Variants in NACC2 observed in about 807,000 individuals in gnomAD.
NACC2 encodes the protein NACC family member 2.
NACC2 carries 8 observed loss-of-function variants against 25.1 expected under a neutral mutation model. The ratio of observed to expected loss-of-function variants is 0.32; its 90% CI spans 0.19 to 0.57. The LOEUF is 0.57. NACC2 is among the 20% of genes least tolerant of loss of function. The pLI, the probability that NACC2 is intolerant of heterozygous loss-of-function variation, is 0.89. For missense variants in NACC2, 644 were observed against 650.2 expected, an observed-to-expected ratio of 0.99 and a Z score of 0.10; for synonymous variants, 435 against 294.7, an observed-to-expected ratio of 1.48 and a Z score of -4.88.
chr9:136,028,160 C>G (rs1840421646), intron 2 of NACC2, among the ~76,000 whole-genome samples: 1 of 150,006 alleles, frequency 6.7e-6, no homozygotes, highest in Admixed American at 6.7e-5. Flanking sequence ...ACTTGAGAGG[C>G]TGAGTGGCAG....
intron 1 of NACC2, among the ~76,000 whole-genome samples, chr9:136,065,335 T>C (rs1201592793): frequency 6.6e-6 from 1 of 151,870 alleles, no homozygotes; most frequent in Non-Finnish European, 1.5e-5. Context: ...AAATAAATAA[T>C]TAGGCTGGGC....
Position 136,011,420 on chromosome 9 carries a change from G to T in NACC2, c.*96C>A. On this transcript the variant is annotated 3_prime_UTR_variant, in exon 6 of 6. Coordinates refer to ENST00000277554, the MANE Select transcript of NACC2 (RefSeq NM_144653.5). ...ACATTTTTCTCAGGCAACAGTAGCAGTTCAGTAGGTAAGTGGCTTGATCAC... is the reference window on the plus strand; with the variant it reads ...ACATTTTTCTCAGGCAACAGTAGCATTTCAGTAGGTAAGTGGCTTGATCAC... 8.2e-7 allele frequency: 1 copy of T among 1,222,090 alleles called. No individual in the cohort carries two copies. The highest frequency in any genetic ancestry group is 1.0e-6 in the Non-Finnish European group (1 of 957,678). 75.7% of individuals were successfully genotyped at this position (1,222,090 alleles called of 1,614,324 possible).
rs778859454 is a variant in NACC2, at chr9:136,014,002, C to T, written c.1052-33G>A. ...CACCAAACAGAAAAAGGGCTCGTGG[C>T]CTTCCCGGGCCATAGGGTCCGAAGA... is the stretch of plus-strand genomic sequence containing the variant. On this transcript the variant is annotated intron_variant, in intron 3 of 5. Transcript: ENST00000277554. 16 of 1,567,468 alleles carry T rather than the reference C, an allele frequency of 1.0e-5. No individual in the cohort carries two copies. The South Asian group carries it at 1.7e-4, about 17-fold the overall frequency.
chr9:136,011,856 G>A lies in NACC2; in HGVS notation c.1424C>T (p.Ala475Val). 2 of 1,560,996 alleles carry A rather than the reference G, an allele frequency of 1.3e-6. No homozygotes were observed. Among genetic ancestry groups the A allele is most frequent in the South Asian group, 2.3e-5 (2 of 86,076 alleles). Residue 475 changes from alanine to valine, a missense_variant, in exon 6 of 6, where the codon GCC becomes GTC. By Grantham distance (64) the Ala-to-Val change is moderately conservative (BLOSUM62 0). Coordinates refer to ENST00000277554, the MANE Select transcript of NACC2 (RefSeq NM_144653.5). Reference sequence around the variant, plus strand: ...GAACTCGGGGTCGAGGGGCACGCTGGCGGCGGCGGAGCCCATGACCGTGCG... The same window carrying A: ...GAACTCGGGGTCGAGGGGCACGCTGACGGCGGCGGAGCCCATGACCGTGCG... ...MYRTVMGSAA[A>V]SVPLDPEFPP...
intron 1 of NACC2, among the ~76,000 whole-genome samples, chr9:136,072,809 C>T (rs1830212307): frequency 6.6e-6 from 1 of 152,074 alleles, no homozygotes; most frequent in Admixed American, 6.6e-5. Flanking sequence ...TAGATCATGC[C>T]ATTGCACTCC....
intron 1 of NACC2, among the ~76,000 whole-genome samples, chr9:136,081,659 C>T (rs1421110186): frequency 6.6e-6 from 1 of 152,222 alleles, no homozygotes; most frequent in Non-Finnish European, 1.5e-5. Flanking sequence ...TCTGGGAAAA[C>T]CCAAGGGCCC....
In NACC2 at chr9:136,015,960, G is replaced by T. The variant is rs143132047; in HGVS notation, c.1051+305C>A. ...CAAAGGCTGCAACTGGACCCTCGCG[G>T]GGCGGGGGGACTGGCAACTATACGT... On this transcript the variant is annotated intron_variant, in intron 3 of 5. Transcript: ENST00000277554. Among the ~76,000 whole-genome samples, 32 of 152,324 alleles carry T rather than the reference G, an allele frequency of 2.1e-4. No homozygotes were observed. The East Asian group carries it at 6.2e-3, about 29-fold the overall frequency.
intron 1 of NACC2, among the ~76,000 whole-genome samples, chr9:136,056,654 C>CG (rs1042608272): frequency 6.6e-6 from 1 of 152,224 alleles, no homozygotes; most frequent in African/African-American, 2.4e-5. Context: ...CACAGAGGTA[C>CG]GGGGGGTCTC....
chr9:136,012,092 C>T, intron 5 of NACC2, 68 bp from the exon 6 acceptor site: 1 of 1,453,458 alleles, frequency 6.9e-7, no homozygotes, highest in Non-Finnish European at 9.1e-7. Context: ...CCCAAGGCCA[C>T]AGAACCATGA....
At chr9:136,017,971 G>A (rs145477778) in intron 2 of NACC2, among the ~76,000 whole-genome samples, 1,772 of 152,304 alleles carry the variant, frequency 0.012, 39 homozygotes, top group African/African-American at 0.036. Context: ...CCGAGGGCAC[G>A]GCATGGTCCC....
intron 1 of NACC2, among the ~76,000 whole-genome samples, chr9:136,067,003 C>T (rs1486228832): frequency 6.6e-6 from 1 of 151,498 alleles, no homozygotes; most frequent in African/African-American, 2.4e-5. Context: ...GGAATCCCAG[C>T]ACTTTGGGAG....
chr9:136,091,171 GCCTTACATGGGATT>G (rs1830430827), intron 1 of NACC2, among the ~76,000 whole-genome samples: 1 of 152,152 alleles, frequency 6.6e-6, no homozygotes, highest in Non-Finnish European at 1.5e-5. Context: ...AGGGTAGTGA[GCCTTACATGGGATT>G]CAGTGGCTTC....
chr9:136,037,601 A>G (rs1295034897), intron 2 of NACC2, among the ~76,000 whole-genome samples: 1 of 149,668 alleles, frequency 6.7e-6, no homozygotes, highest in African/African-American at 2.5e-5. Context: ...TCTGCCTCCT[A>G]GGTTCAAGCG....
chr9:136,087,295 A>G (rs1428902369), intron 1 of NACC2, among the ~76,000 whole-genome samples: 2 of 152,122 alleles, frequency 1.3e-5, no homozygotes, highest in Admixed American at 6.5e-5. Flanking sequence ...CTGCCACCAA[A>G]CCTGTGGGCT....
chr9:136,080,900 G>T (rs1830316201), intron 1 of NACC2, among the ~76,000 whole-genome samples: 1 of 152,164 alleles, frequency 6.6e-6, no homozygotes, highest in African/African-American at 2.4e-5. Context: ...GCGTGCTAGG[G>T]TGCCAAGCCC....
rs568413268 is a variant in NACC2, at chr9:136,086,558, G to A, written c.-60+8631C>T. ...CAGCACCCAGCCACGGTCCCACCCC[G>A]GGCTCCACTGTGACCCACACGCTGT... On this transcript the variant is annotated intron_variant, in intron 1 of 5. Coordinates refer to ENST00000277554, the MANE Select transcript of NACC2 (RefSeq NM_144653.5). The surrounding 1 kb of genome is among the most constrained non-coding windows in gnomAD (Gnocchi z 5.6). 3.8e-4 allele frequency among the ~76,000 whole-genome samples: 58 copies of A among 152,200 alleles called. No individual in the cohort carries two copies. In the East Asian group the frequency reaches 7.7e-3, roughly 20 times the overall value.
chr9:136,049,629 G>A lies in NACC2; in HGVS notation c.886+7C>T, dbSNP rs918761871. On this transcript the variant is annotated splice_region_variant and intron_variant, in intron 2 of 5. Coordinates refer to ENST00000277554, the MANE Select transcript of NACC2 (RefSeq NM_144653.5). ...AGGTGGTGTGGGGCTCCACCCCGCC[G>A]CGTTACCTGCATAGCTGCCGGAGGC... The A allele has an allele frequency of 1.3e-6, 1 of 773,848 alleles. No individual in the cohort carries two copies. Among genetic ancestry groups the A allele is most frequent in the Non-Finnish European group, 2.4e-6 (1 of 415,086 alleles). 47.9% of individuals were successfully genotyped at this position (773,848 alleles called of 1,614,324 possible). A position where few individuals can be genotyped will look rare whatever the true frequency, so the allele number is the denominator to read the frequency against.
chr9:136,041,007 G>GAAGGAAGGA (rs1327029282), intron 2 of NACC2, among the ~76,000 whole-genome samples: 4 of 149,610 alleles, frequency 2.7e-5, no homozygotes, highest in East Asian at 3.9e-4. Context: ...GGAAAGAAAG[G>GAAGGAAGGA]AAGGAAGGAA....
intron 1 of NACC2, among the ~76,000 whole-genome samples, chr9:136,077,849 C>T (rs1830279302): frequency 6.6e-6 from 1 of 152,244 alleles, no homozygotes; most frequent in African/African-American, 2.4e-5. Context: ...GTGATGAATA[C>T]TGACTTGTGC....
Sources: allele counts gnomAD v4.1 joint callset (sites outside exome capture counted in the v4.1 genomes callset), GRCh38; gene constraint gnomAD v4.1.1; non-coding constraint Gnocchi (gnomAD v3.1); transcripts MANE v1.5; gene names NCBI Gene and HGNC (gene_info 2026-07-23, HGNC 2026-07-21).